Variants in PITPNC1 observed in about 807,000 individuals in gnomAD.
The protein encoded by PITPNC1 is phosphatidylinositol transfer protein cytoplasmic 1, also known as cytoplasmic phosphatidylinositol transfer protein 1.
Under a neutral mutation model 44.7 loss-of-function variants are expected in PITPNC1, and 18 were observed. The observed-to-expected ratio is 0.40, with a 90% confidence interval of 0.28 to 0.60. PITPNC1 has a LOEUF of 0.60. Among genes scored for constraint, PITPNC1 ranks in the 20% least tolerant of loss-of-function variants. The pLI, the probability that PITPNC1 is intolerant of heterozygous loss-of-function variation, is 0.39. For missense variants in PITPNC1, 290 were observed against 418.4 expected (o/e 0.69, Z 2.68); for synonymous variants, 141 against 149.6 (o/e 0.94, Z 0.42).
At chr17:67,505,857 A>G (rs1360399496) in intron 1 of PITPNC1, among the ~76,000 whole-genome samples, 1 of 152,162 alleles carries the variant, frequency 6.6e-6, no homozygotes, top group African/African-American at 2.4e-5. Flanking sequence ...CAGATTGGCC[A>G]TATGTAAAAT....
intron 2 of PITPNC1, among the ~76,000 whole-genome samples, chr17:67,546,266 C>T (rs2040681885): frequency 1.4e-5 from 2 of 139,358 alleles, no homozygotes; most frequent in Admixed American, 7.9e-5. Flanking sequence ...ATGTATATTA[C>T]ATATTATTTA....
At chr17:67,397,606 A>T (rs2038238819) in intron 1 of PITPNC1, among the ~76,000 whole-genome samples, 1 of 152,168 alleles carries the variant, frequency 6.6e-6, no homozygotes, top group Admixed American at 6.6e-5. Context: ...CAGGATCTGC[A>T]CTGAACATCT....
chr17:67,495,047 T>G (rs1164244770), intron 1 of PITPNC1, among the ~76,000 whole-genome samples: 2 of 62,356 alleles, frequency 3.2e-5, no homozygotes, highest in African/African-American at 6.7e-5. Flanking sequence ...GTTGTTTTTT[T>G]TTTTGTTTTT....
intron 1 of PITPNC1, among the ~76,000 whole-genome samples, chr17:67,462,229 T>TC (rs2039350625): frequency 7.3e-6 from 1 of 136,206 alleles, no homozygotes; most frequent in African/African-American, 2.8e-5. Flanking sequence ...TTCTTTCTTT[T>TC]TTTTTTTTTT....
At chr17:67,485,482 A>C (rs2039766291) in intron 1 of PITPNC1, among the ~76,000 whole-genome samples, 1 of 149,678 alleles carries the variant, frequency 6.7e-6, no homozygotes, top group Non-Finnish European at 1.5e-5. Context: ...CTCCTACCTC[A>C]GCCTCCTGAG....
At chr17:67,577,644 T>TTTAAAAATAAATTTATGTTTTAAAAA (rs1165251304) in intron 4 of PITPNC1, among the ~76,000 whole-genome samples, 6 of 151,360 alleles carry the variant, frequency 4.0e-5, no homozygotes, top group East Asian at 1.9e-4. Flanking sequence ...TTTATTTTAC[T>TTTAAAAATAAATTTATGTTTTAAAAA]TTAAAAATAA....
chr17:67,521,980 G>A (rs983549940), intron 1 of PITPNC1, among the ~76,000 whole-genome samples: 1 of 151,982 alleles, frequency 6.6e-6, no homozygotes, highest in Non-Finnish European at 1.5e-5. Context: ...GAGCATCACC[G>A]ACAGGAATCC....
chr17:67,593,580 G>T (rs565859697), intron 5 of PITPNC1, among the ~76,000 whole-genome samples: 29 of 152,176 alleles, frequency 1.9e-4, no homozygotes, highest in African/African-American at 7.0e-4. Context: ...TACATTTTTA[G>T]TAGAGACGAG....
At chr17:67,535,339 G>T (rs975655396) in intron 2 of PITPNC1, among the ~76,000 whole-genome samples, 2 of 152,192 alleles carry the variant, frequency 1.3e-5, no homozygotes. Context: ...TCTCCTCGGG[G>T]ATCACCTCTG....
intron 7 of PITPNC1, 55 bp from the exon 8 acceptor site, chr17:67,675,424 C>T (rs992983940): frequency 3.4e-6 from 4 of 1,187,916 alleles, no homozygotes; most frequent in Admixed American, 3.4e-5. Flanking sequence ...ACTTGTCTTC[C>T]AGATAGTTTT....
chr17:67,598,773 AT>A (rs1323521286), intron 5 of PITPNC1, among the ~76,000 whole-genome samples: 1 of 151,712 alleles, frequency 6.6e-6, no homozygotes, highest in Non-Finnish European at 1.5e-5. Context: ...GGCACCTGTA[AT>A]CCCAGCTACT....
At chr17:67,474,639 G>A (rs2039599115) in intron 1 of PITPNC1, among the ~76,000 whole-genome samples, 1 of 151,994 alleles carries the variant, frequency 6.6e-6, no homozygotes, top group Admixed American at 6.6e-5. Context: ...CACAATTCTG[G>A]CAATCCGTAG....
chr17:67,480,986 C>T (rs1335370878), intron 1 of PITPNC1, among the ~76,000 whole-genome samples: 1 of 152,176 alleles, frequency 6.6e-6, no homozygotes, highest in African/African-American at 2.4e-5. Context: ...GTGGGCGGAG[C>T]ACCTGACATC....
chr17:67,431,119 C>T (rs1330018458), intron 1 of PITPNC1, among the ~76,000 whole-genome samples: 4 of 142,548 alleles, frequency 2.8e-5, no homozygotes, highest in African/African-American at 1.0e-4. Flanking sequence ...AGTGCAGTGG[C>T]GTGATCTTGG....
intron 8 of PITPNC1, 75 bp downstream of exon 8, chr17:67,675,617 C>T (rs1598973467): frequency 5.1e-6 from 5 of 981,530 alleles, no homozygotes; most frequent in African/African-American, 1.6e-5. Flanking sequence ...TTGGCTTCAA[C>T]TGCTACCTAG....
chr17:67,644,201 T>G (rs1032491406), intron 6 of PITPNC1, among the ~76,000 whole-genome samples: 1 of 152,180 alleles, frequency 6.6e-6, no homozygotes. Flanking sequence ...TTGTGCCAAG[T>G]CTGGGCCATC....
intron 1 of PITPNC1, among the ~76,000 whole-genome samples, chr17:67,409,459 A>G (rs974297212): frequency 1.3e-5 from 2 of 151,308 alleles, no homozygotes; most frequent in African/African-American, 4.9e-5. Flanking sequence ...TCCCCATTGT[A>G]TTGTCTGAAT....
At chr17:67,650,135 A>G (rs1367412902) in intron 6 of PITPNC1, among the ~76,000 whole-genome samples, 1 of 152,188 alleles carries the variant, frequency 6.6e-6, no homozygotes, top group Non-Finnish European at 1.5e-5. Flanking sequence ...GGAGCTTGTT[A>G]TGCATCCCAA....
intron 2 of PITPNC1, among the ~76,000 whole-genome samples, chr17:67,542,689 A>G (rs1210730391): frequency 1.3e-5 from 2 of 152,208 alleles, no homozygotes; most frequent in African/African-American, 4.8e-5. Flanking sequence ...ACAGACAATT[A>G]TCATTGACCT....
Sources: allele counts gnomAD v4.1 joint callset (sites outside exome capture counted in the v4.1 genomes callset), GRCh38; gene constraint gnomAD v4.1.1; transcripts MANE v1.5; gene names NCBI Gene and HGNC (gene_info 2026-07-23, HGNC 2026-07-21).